Variants in POF1B observed in about 807,000 individuals in gnomAD.
POF1B encodes protein POF1B.
A neutral mutation model predicts 55.3 loss-of-function variants in POF1B; 53 were observed. The observed-to-expected ratio is 0.96, with a 90% CI of 0.77 to 1.20. The LOEUF (loss-of-function observed/expected upper bound fraction) is 1.20. POF1B is among the 50% of genes most tolerant of loss of function. The pLI is 0.00. For synonymous variants in POF1B, 188 were observed against 148.3 expected (o/e 1.27, Z -1.95); for missense variants, 478 against 420.5 (o/e 1.14, Z -1.20).
intron 3 of POF1B, among the ~76,000 whole-genome samples, chrX:85,361,970 GTGTGTGTGTGTGTGTGTGTA>G (rs1035694943): frequency 9.2e-6 from 1 of 108,793 alleles, no homozygotes; most frequent in Admixed American, 1.0e-4. Context: ...GTGTGTGTGT[GTGTGTGTGTGTGTGTGTGTA>G]TGTGTGTGTG....
intron 4 of POF1B, among the ~76,000 whole-genome samples, chrX:85,355,190 A>T: frequency 8.9e-6 from 1 of 111,915 alleles, no homozygotes; most frequent in Middle Eastern, 4.6e-3. Context: ...CAAACCTGAC[A>T]AAAACAAGCA....
In POF1B at chrX:85,346,088, TA is replaced by T. The variant is rs769644709; in HGVS notation, c.541-47del. 7,568 of 928,098 alleles carry T rather than the reference TA, an allele frequency of 8.2e-3. 30 individuals carry two copies. The highest frequency in any genetic ancestry group is 8.8e-3 in the Non-Finnish European group (6,228 of 711,701). The allele number at this position is 928,098 out of a possible 1,213,427, so 76.5% of individuals were successfully genotyped here. A position where few individuals can be genotyped will look rare whatever the true frequency, so the allele number is the denominator to read the frequency against. ...AAAAACAGCCACTTAGGATAAACATTACTAATCAAGAAAAACAACTGAAACC... is the reference window on the plus strand; with the variant it reads ...AAAAACAGCCACTTAGGATAAACATTCTAATCAAGAAAAACAACTGAAACC... On this transcript the variant is annotated intron_variant, in intron 5 of 16. Transcript: ENST00000262753.
intron 4 of POF1B, among the ~76,000 whole-genome samples, chrX:85,355,113 T>C (rs186174713): frequency 0.018 from 2,050 of 111,063 alleles, 24 homozygotes; most frequent in Non-Finnish European, 0.029. Flanking sequence ...AACAGAGAGA[T>C]AGACCAATGG....
At chrX:85,358,469 C>T (rs1569296961) in intron 4 of POF1B, among the ~76,000 whole-genome samples, 1 of 111,096 alleles carries the variant, frequency 9.0e-6, no homozygotes, top group Non-Finnish European at 1.9e-5. Context: ...AGCTCCACAA[C>T]TGGAAAATTA....
chrX:85,315,617 G>T, intron 8 of POF1B, 90 bp downstream of exon 8: 1 of 797,167 alleles, frequency 1.3e-6, no homozygotes, highest in Non-Finnish European at 1.7e-6. Flanking sequence ...GTCTAGTAAG[G>T]TACTTAACTG....
At chrX:85,285,104 T>G (rs887871214) in intron 15 of POF1B, among the ~76,000 whole-genome samples, 4 of 110,715 alleles carry the variant, frequency 3.6e-5, no homozygotes, top group African/African-American at 1.3e-4. Flanking sequence ...AAAACCACAG[T>G]GATCTCAGGC....
At chrX:85,339,763 G>C (rs1320776990) in intron 6 of POF1B, among the ~76,000 whole-genome samples, 1 of 111,132 alleles carries the variant, frequency 9.0e-6, no homozygotes, top group Non-Finnish European at 1.9e-5. Flanking sequence ...GGGTCACAAA[G>C]GGAGTCACCC....
At chrX:85,309,319 G>A (rs1362158865) in intron 9 of POF1B, among the ~76,000 whole-genome samples, 4 of 106,173 alleles carry the variant, frequency 3.8e-5, no homozygotes, top group Non-Finnish European at 7.7e-5. Flanking sequence ...TGTGGAGTGT[G>A]CTTTCATTTT....
Position 85,282,197 on chromosome X carries a change from A to G in POF1B, c.1764+6T>C. ...AATAGGGCTAAAAATGCCCAAGTGA[A>G]CTTACACAAGTGTATTTGTCTTCTG... On this transcript the variant is annotated splice_donor_region_variant and intron_variant, in intron 16 of 16. Transcript: ENST00000262753. 1.7e-6 allele frequency: 2 copies of G among 1,182,446 alleles called. No homozygotes were observed. Among genetic ancestry groups the G allele is most frequent in the Non-Finnish European group, 2.3e-6 (2 of 879,995 alleles).
chrX:85,351,422 G>A lies in POF1B; in HGVS notation c.468C>T (p.Ser156=), dbSNP rs748252154. The A allele has an allele frequency of 7.6e-5, 91 of 1,193,629 alleles. No individual in the cohort carries two copies. In the South Asian group the frequency reaches 9.7e-4, roughly 13 times the overall value. The stretch of plus-strand genomic sequence containing the variant: ...TAACATTGTTTCCTGGGAAGAAATG[G>A]CTTCCTCTTAGGAATTGAGACAGTG... The part of the protein sequence containing the change: ...QEPLSQFLRG[S]HFFPGNNVIY... The change falls in exon 5 of 17, where the codon AGC becomes AGT. Residue 156 remains serine (S), a synonymous_variant. Coordinates refer to ENST00000262753, the MANE Select transcript of POF1B (RefSeq NM_024921.4).
chrX:85,328,589 A>G (rs1430550547), intron 7 of POF1B, among the ~76,000 whole-genome samples: 1 of 111,158 alleles, frequency 9.0e-6, no homozygotes, highest in East Asian at 2.8e-4. Flanking sequence ...TGTGGGTTCT[A>G]GTCCCAGATT....
intron 11 of POF1B, among the ~76,000 whole-genome samples, 168 bp from the exon 12 acceptor site, chrX:85,306,501 G>T (rs1383179666): frequency 1.8e-5 from 2 of 111,214 alleles, no homozygotes; most frequent in Non-Finnish European, 3.8e-5. Context: ...AGATATTATA[G>T]TGTTGCCTCT....
chrX:85,295,021 A>C (rs1023601711), intron 15 of POF1B, among the ~76,000 whole-genome samples: 1 of 111,875 alleles, frequency 8.9e-6, no homozygotes. Context: ...AGAGGTTTTC[A>C]TAATAGTCTG....
At chrX:85,336,567 A>T (rs1933077652) in intron 6 of POF1B, among the ~76,000 whole-genome samples, 2 of 111,353 alleles carry the variant, frequency 1.8e-5, no homozygotes, top group Non-Finnish European at 3.8e-5. Flanking sequence ...AATGATGTTG[A>T]GCACATTTTT....
intron 2 of POF1B, 89 bp from the exon 3 acceptor site, chrX:85,367,855 T>C: frequency 1.7e-6 from 1 of 573,569 alleles, no homozygotes; most frequent in Non-Finnish European, 2.8e-6. Context: ...AATAATGTGG[T>C]TAGTCAGAAA....
intron 15 of POF1B, 130 bp from the exon 16 acceptor site, chrX:85,282,447 AAAAAC>A: frequency 3.0e-6 from 1 of 335,922 alleles, no homozygotes; most frequent in Non-Finnish European, 5.0e-6. Context: ...CTGTTACTGA[AAAAAC>A]AAAAAAATAA....
intron 4 of POF1B, among the ~76,000 whole-genome samples, 199 bp downstream of exon 4, chrX:85,359,351 A>G (rs920865987): frequency 1.8e-5 from 2 of 111,389 alleles, no homozygotes; most frequent in Admixed American, 9.6e-5. Context: ...GAAGTATTGC[A>G]TCTCTGAGTC....
At chrX:85,294,957 G>C (rs376188400) in intron 15 of POF1B, among the ~76,000 whole-genome samples, 1 of 111,515 alleles carries the variant, frequency 9.0e-6, no homozygotes, top group Non-Finnish European at 1.9e-5. Flanking sequence ...TCTTGGAAGG[G>C]TATGTGTTTT....
chrX:85,329,731 C>A (rs1265373332), intron 7 of POF1B, among the ~76,000 whole-genome samples: 1 of 107,168 alleles, frequency 9.3e-6, no homozygotes, highest in Admixed American at 1.0e-4. Context: ...GGAGGCAAAG[C>A]AGTTGAGGGT....
Sources: gnomAD v4.1 joint callset for allele counts (sites outside exome capture counted in the v4.1 genomes callset) on GRCh38, gnomAD v4.1.1 for gene constraint, MANE v1.5 for transcripts, NCBI Gene and HGNC (gene_info 2026-07-23, HGNC 2026-07-21) for gene names.